Variants in MGAT4D observed in about 807,000 individuals in gnomAD.
MGAT4D encodes MGAT4 family member D.
In MGAT4D, 34 loss-of-function variants were observed where a neutral mutation model predicts 15.9. The ratio of observed to expected loss-of-function variants is 2.14; its 90% confidence interval spans 1.62 to 2.84. The LOEUF is 2.84. Among genes scored for constraint, MGAT4D ranks in the 30% most tolerant of loss-of-function variants. The pLI, the probability that MGAT4D is intolerant of heterozygous loss-of-function variation, is 0.00. For synonymous variants in MGAT4D, 112 were observed against 48.2 expected (o/e 2.33, Z -5.49); for missense variants, 327 against 140.2 (o/e 2.33, Z -6.73).
intron 7 of MGAT4D, 45 bp downstream of exon 7, chr4:140,461,878 TATACAC>T (rs1315832002): frequency 3.9e-6 from 2 of 516,042 alleles, no homozygotes; most frequent in African/African-American, 2.5e-5. Flanking sequence ...ATAATTGGTG[TATACAC>T]ACACACACAC....
At chr4:140,481,607 C>A (rs946572572) in intron 2 of MGAT4D, among the ~76,000 whole-genome samples, 2 of 152,110 alleles carry the variant, frequency 1.3e-5, no homozygotes, top group African/African-American at 4.8e-5. Context: ...CATTGAACAT[C>A]GATACAACGA....
At position 140,464,890 on chromosome 4, in the gene MGAT4D, A is replaced by G. The variant is rs1260309002; in HGVS notation, c.686+6T>C. The G allele has an allele frequency of 2.8e-6, 2 of 702,068 alleles. No homozygotes were observed. The highest frequency in any genetic ancestry group is 2.0e-5 in the Admixed American group (1 of 49,822). 43.5% of individuals were successfully genotyped at this position (702,068 alleles called of 1,614,324 possible). On this transcript the variant is annotated splice_donor_region_variant and intron_variant, in intron 6 of 10. Transcript: ENST00000511113. ...TTTAAGGCTACTATTTTCTAATATGACATACCTGGCTAATTTTTGTGAGGC... is the reference window on the plus strand; with the variant it reads ...TTTAAGGCTACTATTTTCTAATATGGCATACCTGGCTAATTTTTGTGAGGC...
chr4:140,492,793 T>C (rs1733589375), intron 1 of MGAT4D, among the ~76,000 whole-genome samples: 1 of 152,064 alleles, frequency 6.6e-6, no homozygotes, highest in East Asian at 1.9e-4. Flanking sequence ...TTAAAAATAA[T>C]GAAACAGGCT....
chr4:140,498,149 A>G lies in MGAT4D; in HGVS notation c.74T>C (p.Ile25Thr), dbSNP rs1578737452. 1.4e-6 allele frequency: 1 copy of G among 702,490 alleles called. No homozygotes were observed. The highest frequency in any genetic ancestry group is 2.0e-5 in the Admixed American group (1 of 49,986). The allele number at this position is 702,490 out of a possible 1,614,324, so 43.5% of individuals were successfully genotyped here. Residue 25 changes from isoleucine (I) to threonine (T), a missense_variant, in exon 1 of 11, where the codon ATC (isoleucine) becomes ACC (threonine). Ile to Thr is a moderately conservative substitution (Grantham distance 89). Transcript: ENST00000511113. ...CTTACTGGTTTGAGTTATCCTGTAGATGGAGAAGCAAGAGAAGCTGAACAA... is the reference window on the plus strand; with the variant it reads ...CTTACTGGTTTGAGTTATCCTGTAGGTGGAGAAGCAAGAGAAGCTGAACAA... ...VALFSFSCFS[I>T]YRITQTNNQL... is the part of the protein sequence containing the mutation.
intron 3 of MGAT4D, among the ~76,000 whole-genome samples, chr4:140,475,811 T>C (rs1191409210): frequency 8.4e-6 from 1 of 118,642 alleles, no homozygotes; most frequent in East Asian, 2.3e-4. Context: ...GGCTTTCTTT[T>C]TTTTTTTTTT....
At chr4:140,463,009 C>T (rs1578661892) in intron 6 of MGAT4D, among the ~76,000 whole-genome samples, 1 of 152,098 alleles carries the variant, frequency 6.6e-6, no homozygotes, top group African/African-American at 2.4e-5. Context: ...ACTGCGAGTT[C>T]CCAAAGTGTA....
At chr4:140,493,457 G>A (rs903189573) in intron 1 of MGAT4D, among the ~76,000 whole-genome samples, 11 of 151,598 alleles carry the variant, frequency 7.3e-5, no homozygotes, top group Admixed American at 2.0e-4. Flanking sequence ...GACCATGCCC[G>A]GCTAATTTTT....
chr4:140,451,743 C>T (rs1578638783), intron 9 of MGAT4D, among the ~76,000 whole-genome samples: 1 of 152,188 alleles, frequency 6.6e-6, no homozygotes, highest in Middle Eastern at 3.4e-3. Context: ...TGAACTCTGT[C>T]TTAGAAAAGC....
intron 1 of MGAT4D, among the ~76,000 whole-genome samples, chr4:140,484,743 A>C (rs922226234): frequency 2.0e-5 from 3 of 152,258 alleles, no homozygotes; most frequent in Non-Finnish European, 4.4e-5. Flanking sequence ...TGGGCAAAGG[A>C]TATGAACAGA....
chr4:140,483,943 G>A (rs1732917079), intron 1 of MGAT4D, among the ~76,000 whole-genome samples: 2 of 152,064 alleles, frequency 1.3e-5, no homozygotes, highest in Admixed American at 1.3e-4. Flanking sequence ...TTATTGACCT[G>A]GTCTGAGCAA....
Position 140,459,880 on chromosome 4 carries a change from G to A in MGAT4D, c.763-254C>T, listed in dbSNP as rs189772832. Among the ~76,000 whole-genome samples, 50 of 144,064 alleles carry A rather than the reference G, an allele frequency of 3.5e-4. No homozygotes were observed. The East Asian group carries it at 8.4e-3, about 24-fold the overall frequency. The allele number at this position is 144,064 out of a possible 152,430, so 94.5% of individuals were successfully genotyped here. A position where few individuals can be genotyped will look rare whatever the true frequency, so the allele number is the denominator to read the frequency against. On this transcript the variant is annotated intron_variant, in intron 7 of 10. Coordinates refer to ENST00000511113, the MANE Select transcript of MGAT4D (RefSeq NM_001277353.2). ...AGTGCAGTTGCGTGACTGCAGGCAC[G>A]TGCCACCATGTCTGGCTAATTTTTA...
At chr4:140,463,160 G>C (rs1000903276) in intron 6 of MGAT4D, among the ~76,000 whole-genome samples, 1 of 152,114 alleles carries the variant, frequency 6.6e-6, no homozygotes, top group Admixed American at 6.5e-5. Context: ...CGAAGCAGTG[G>C]GAAGAGCCCT....
In MGAT4D at chr4:140,479,551, A is replaced by G; in HGVS notation, c.330T>C (p.Pro110=). 1 of 556,150 alleles carries G rather than the reference A, an allele frequency of 1.8e-6. No individual in the cohort carries two copies. Among genetic ancestry groups the G allele is most frequent in the Non-Finnish European group, 3.2e-6 (1 of 313,566 alleles). 34.5% of individuals were successfully genotyped at this position (556,150 alleles called of 1,614,324 possible). A position where few individuals can be genotyped will look rare whatever the true frequency, so the allele number is the denominator to read the frequency against. ...NTFEDLKFFF[P]HLRKEGRIYP... ...AAATTCTACCTTCTTTCCTTAGATG[A>G]GGAAAAAAGAACTTTAAGTCTTCAA... The change falls in exon 3 of 11, where the codon CCT becomes CCC. Residue 110 remains proline (P), a synonymous_variant. Coordinates refer to ENST00000511113, the MANE Select transcript of MGAT4D (RefSeq NM_001277353.2).
rs1393522488 is a variant in MGAT4D at position 140,442,933 on chromosome 4, T to C, written c.*503A>G. On this transcript the variant is annotated 3_prime_UTR_variant, in exon 11 of 11. Transcript: ENST00000511113. ...ATATATCAAGATGTTTGATAATCGG[T>C]TCAAATGGCACATAGGGATAAGTTT... 1 of 152,186 alleles carries C rather than the reference T, an allele frequency of 6.6e-6. No individual in the cohort carries two copies. Among genetic ancestry groups the C allele is most frequent in the Non-Finnish European group, 1.5e-5 (1 of 68,016 alleles). The allele number at this position is 152,186 out of a possible 1,614,324, so 9.4% of individuals were successfully genotyped here.
chr4:140,494,859 C>A (rs1290359216), intron 1 of MGAT4D, among the ~76,000 whole-genome samples: 1 of 152,120 alleles, frequency 6.6e-6, no homozygotes, highest in Non-Finnish European at 1.5e-5. Context: ...CTGCCCTCTC[C>A]CCGCAAAGAA....
rs573858064 is a variant in MGAT4D at position 140,443,259 on chromosome 4, T to C, written c.*177A>G. On this transcript the variant is annotated 3_prime_UTR_variant, in exon 11 of 11. Transcript: ENST00000511113. The stretch of plus-strand genomic sequence containing the variant: ...TAATAGGGTAAAAGCAATATAAATG[T>C]TCTACCTTGTCTTGACATAAGAAGT... 12 of 289,472 alleles carry C rather than the reference T, an allele frequency of 4.1e-5. No individual in the cohort carries two copies. The Admixed American group carries it at 6.4e-4, about 15-fold the overall frequency. 17.9% of individuals were successfully genotyped at this position (289,472 alleles called of 1,614,324 possible).
intron 10 of MGAT4D, among the ~76,000 whole-genome samples, chr4:140,447,544 A>G (rs1321389894): frequency 6.6e-6 from 1 of 151,692 alleles, no homozygotes; most frequent in African/African-American, 2.4e-5. Flanking sequence ...TCTGATTTCC[A>G]TTTGTTGGTA....
chr4:140,463,423 A>C (rs1731324425), intron 6 of MGAT4D, among the ~76,000 whole-genome samples: 1 of 151,964 alleles, frequency 6.6e-6, no homozygotes, highest in South Asian at 2.1e-4. Flanking sequence ...GTGGGCAGGC[A>C]GGGAGGGGTG....
chr4:140,448,429 A>T (rs771383283), intron 10 of MGAT4D, among the ~76,000 whole-genome samples: 1 of 151,912 alleles, frequency 6.6e-6, no homozygotes, highest in African/African-American at 2.4e-5. Flanking sequence ...ATTTTTGACT[A>T]TCTTATTTCA....
Sources: allele counts gnomAD v4.1 joint callset (sites outside exome capture counted in the v4.1 genomes callset), GRCh38; gene constraint gnomAD v4.1.1; transcripts MANE v1.5; gene names NCBI Gene and HGNC (gene_info 2026-07-23, HGNC 2026-07-21).